UBE2Q2: variants seen among roughly 807,000 people sequenced by gnomAD.
UBE2Q2 encodes ubiquitin conjugating enzyme E2 Q2.
Under a neutral mutation model 59.9 loss-of-function variants are expected in UBE2Q2, and 54 were observed. That is an observed-to-expected ratio of 0.90 (90% confidence interval 0.72 to 1.13). UBE2Q2 has a LOEUF of 1.13. Among genes scored for constraint, UBE2Q2 ranks in the 50% most tolerant of loss-of-function variants. The pLI, the probability that UBE2Q2 is intolerant of heterozygous loss-of-function variation, is 0.00. For missense variants in UBE2Q2, 433 were observed against 441.9 expected (o/e 0.98, Z 0.18); for synonymous variants, 165 against 155.2 (o/e 1.06, Z -0.47).
intron 11 of UBE2Q2, 134 bp downstream of exon 11, chr15:75,891,148 A>G (rs1005906221): frequency 1.5e-6 from 1 of 648,114 alleles, no homozygotes; most frequent in African/African-American, 1.8e-5. Context: ...CTTGTTACAA[A>G]AGTGATCTAT....
chr15:75,876,797 G>A (rs1898109423), intron 6 of UBE2Q2, among the ~76,000 whole-genome samples: 1 of 152,130 alleles, frequency 6.6e-6, no homozygotes, highest in African/African-American at 2.4e-5. Flanking sequence ...TCTAACTAGA[G>A]GTAAAATTCT....
intron 1 of UBE2Q2, among the ~76,000 whole-genome samples, chr15:75,852,334 A>C (rs1896673259): frequency 6.6e-6 from 1 of 152,072 alleles, no homozygotes; most frequent in Non-Finnish European, 1.5e-5. Context: ...TTGTATCTGC[A>C]CCCTTACAGC....
chr15:75,871,500 T>G (rs977521077), intron 4 of UBE2Q2, among the ~76,000 whole-genome samples: 2 of 152,252 alleles, frequency 1.3e-5, no homozygotes, highest in Non-Finnish European at 2.9e-5. Context: ...TACCTGGCTT[T>G]CCTAGGCAGA....
At chr15:75,857,776 G>A (rs868705588) in intron 2 of UBE2Q2, among the ~76,000 whole-genome samples, 18 of 149,198 alleles carry the variant, frequency 1.2e-4, no homozygotes, top group African/African-American at 3.7e-4. Context: ...AAAAAATGCA[G>A]CCATTTTTTC....
At chr15:75,863,732 T>C (rs1897311991) in intron 3 of UBE2Q2, among the ~76,000 whole-genome samples, 1 of 152,066 alleles carries the variant, frequency 6.6e-6, no homozygotes, top group Non-Finnish European at 1.5e-5. Flanking sequence ...AGCCTCCGCT[T>C]CGTGGGTTCA....
Position 75,845,708 on chromosome 15 carries a change from G to A in UBE2Q2, c.180+1862G>A, listed in dbSNP as rs76669428. On this transcript the variant is annotated intron_variant, in intron 1 of 12. Coordinates refer to ENST00000267938, the MANE Select transcript of UBE2Q2 (RefSeq NM_173469.4). ...GCTGTGCCGGCATTTAGTGCTAGGAGTACAGGGATACCAAATGTTTTGCAA... is the reference window on the plus strand; with the variant it reads ...GCTGTGCCGGCATTTAGTGCTAGGAATACAGGGATACCAAATGTTTTGCAA... Among the ~76,000 whole-genome samples, 62 of 152,336 alleles carry A rather than the reference G, an allele frequency of 4.1e-4. No homozygotes were observed. In the East Asian group the frequency reaches 0.012, roughly 28 times the overall value.
At chr15:75,894,662 G>A (rs1274708576) in intron 11 of UBE2Q2, among the ~76,000 whole-genome samples, 2 of 152,034 alleles carry the variant, frequency 1.3e-5, no homozygotes, top group Non-Finnish European at 1.5e-5. Context: ...AGAAGAATAG[G>A]AAGGGCTAGA....
intron 12 of UBE2Q2, among the ~76,000 whole-genome samples, chr15:75,899,092 C>T (rs1484777628): frequency 8.1e-6 from 1 of 124,174 alleles, no homozygotes; most frequent in Non-Finnish European, 1.6e-5. Flanking sequence ...GAAACCCTGT[C>T]TCTACTAAAT....
chr15:75,877,176 A>AT (rs1311649546), intron 6 of UBE2Q2, among the ~76,000 whole-genome samples: 4 of 150,774 alleles, frequency 2.7e-5, no homozygotes, highest in African/African-American at 9.8e-5. Context: ...AAAAAAAAAA[A>AT]AAAAAAAGGG....
chr15:75,866,416 T>G lies in UBE2Q2; in HGVS notation c.388-2535T>G, dbSNP rs374600941. 5.2e-4 allele frequency among the ~76,000 whole-genome samples: 79 copies of G among 152,322 alleles called. No homozygotes were observed. The South Asian group carries it at 0.014, about 26-fold the overall frequency. On this transcript the variant is annotated intron_variant, in intron 3 of 12. Transcript: ENST00000267938. ...CTGGTCTCAAACTTCTGGGCTCAAG[T>G]GATCCTCCTGCCTTGGCCTCCCAAA...
chr15:75,894,602 A>G (rs1899292570), intron 11 of UBE2Q2, among the ~76,000 whole-genome samples: 2 of 152,100 alleles, frequency 1.3e-5, no homozygotes, highest in South Asian at 4.2e-4. Flanking sequence ...ACCTGAAGGA[A>G]AGCAGAATGG....
chr15:75,883,486 G>C, intron 9 of UBE2Q2, 62 bp downstream of exon 9: 1 of 1,294,246 alleles, frequency 7.7e-7, no homozygotes, highest in East Asian at 2.4e-5. Flanking sequence ...TTTTTTTATA[G>C]GGACGAGATC....
At chr15:75,867,227 T>C (rs12324574) in intron 3 of UBE2Q2, among the ~76,000 whole-genome samples, 1,569 of 152,322 alleles carry the variant, frequency 0.01, 33 homozygotes, top group African/African-American at 0.036. Flanking sequence ...AAACACTCTC[T>C]GTCTTTTCTG....
In UBE2Q2 at chr15:75,876,265, A is replaced by C; in HGVS notation, c.667A>C (p.Lys223Gln). The C allele has an allele frequency of 6.2e-7, 1 of 1,613,192 alleles. No homozygotes were observed. The highest frequency in any genetic ancestry group is 8.5e-7 in the Non-Finnish European group (1 of 1,179,370). The change falls in exon 6 of 13, where the codon AAA becomes CAA. Residue 223 changes from lysine to glutamine, a missense_variant. By Grantham distance (53) the Lys-to-Gln change is moderately conservative. Transcript: ENST00000267938. ...LRDIYRSQSY[K>Q]TGIYSVELIN... The stretch of plus-strand genomic sequence containing the variant: ...GGACATATACAGATCACAGAGTTAT[A>C]AAACAGGTAAGGATCTCTGGATCCC...
rs1403827717 is a variant in UBE2Q2 at position 75,843,549 on chromosome 15, G to A, written c.-118G>A. The A allele has an allele frequency of 2.1e-5, 14 of 653,224 alleles. No individual in the cohort carries two copies. Among genetic ancestry groups the A allele is most frequent in the Non-Finnish European group, 2.8e-5 (13 of 471,182 alleles). The allele number at this position is 653,224 out of a possible 1,614,324, so 40.5% of individuals were successfully genotyped here. On this transcript the variant is annotated 5_prime_UTR_variant, in exon 1 of 13. Coordinates refer to ENST00000267938, the MANE Select transcript of UBE2Q2 (RefSeq NM_173469.4). ...AGCGCTCGACGAGGCGGAGCCGCGA[G>A]AGCGCGGCCCAGGCCGGCCCCGCGG...
intron 1 of UBE2Q2, among the ~76,000 whole-genome samples, chr15:75,847,630 C>A (rs1292367760): frequency 2.0e-5 from 3 of 152,126 alleles, no homozygotes; most frequent in Admixed American, 2.0e-4. Context: ...TTAGTTGTTA[C>A]AATCACACCG....
At chr15:75,896,142 T>A (rs763598017) in intron 11 of UBE2Q2, among the ~76,000 whole-genome samples, 1 of 152,196 alleles carries the variant, frequency 6.6e-6, no homozygotes, top group Non-Finnish European at 1.5e-5. Context: ...GGACAGTGGC[T>A]AATAACAGTG....
At position 75,843,572 on chromosome 15, in the gene UBE2Q2, C is replaced by T; in HGVS notation, c.-95C>T. 1.9e-6 allele frequency: 2 copies of T among 1,068,804 alleles called. No individual in the cohort carries two copies. The highest frequency in any genetic ancestry group is 2.5e-6 in the Non-Finnish European group (2 of 805,002). The allele number at this position is 1,068,804 out of a possible 1,614,324, so 66.2% of individuals were successfully genotyped here. A position where few individuals can be genotyped will look rare whatever the true frequency, so the allele number is the denominator to read the frequency against. On this transcript the variant is annotated 5_prime_UTR_variant, in exon 1 of 13. Coordinates refer to ENST00000267938, the MANE Select transcript of UBE2Q2 (RefSeq NM_173469.4). ...GAGAGCGCGGCCCAGGCCGGCCCCG[C>T]GGGGCGGTCGCGGCCGTGACGGCGG...
intron 10 of UBE2Q2, 86 bp from the exon 11 acceptor site, chr15:75,890,833 G>C: frequency 9.0e-7 from 1 of 1,115,520 alleles, no homozygotes; most frequent in Non-Finnish European, 1.3e-6. Context: ...ATTTGCTGCT[G>C]TTGAGTTATA....
Sources: allele counts gnomAD v4.1 joint callset (sites outside exome capture counted in the v4.1 genomes callset), GRCh38; gene constraint gnomAD v4.1.1; transcripts MANE v1.5; gene names NCBI Gene and HGNC (gene_info 2026-07-23, HGNC 2026-07-21).